Variants in SH3KBP1 observed in about 807,000 individuals in gnomAD.
The protein encoded by SH3KBP1 is SH3 domain containing kinase binding protein 1.
Under a neutral mutation model 50.1 loss-of-function variants are expected in SH3KBP1, and 8 were observed. That is an observed-to-expected ratio of 0.16 (90% confidence interval 0.09 to 0.29). The LOEUF is 0.29. SH3KBP1 is among the 10% of genes least tolerant of loss of function. SH3KBP1 has a pLI of 1.00. For missense variants in SH3KBP1, 377 were observed against 535.2 expected (o/e 0.70, Z 2.92); for synonymous variants, 227 against 218.6 (o/e 1.04, Z -0.34).
chrX:19,836,689 G>A (rs2068066730), intron 1 of SH3KBP1, among the ~76,000 whole-genome samples: 1 of 111,953 alleles, frequency 8.9e-6, no homozygotes, highest in Non-Finnish European at 1.9e-5. Flanking sequence ...TAACCTCTCT[G>A]GGTCTCAGTT....
At chrX:19,848,710 C>T (rs1381456446) in intron 1 of SH3KBP1, among the ~76,000 whole-genome samples, 1 of 111,838 alleles carries the variant, frequency 8.9e-6, no homozygotes, top group Non-Finnish European at 1.9e-5. Context: ...GGACAATCAA[C>T]GTTTTGCAAC....
intron 1 of SH3KBP1, among the ~76,000 whole-genome samples, chrX:19,881,680 G>A (rs187257227): frequency 2.4e-4 from 27 of 111,549 alleles, no homozygotes; most frequent in African/African-American, 8.5e-4. Flanking sequence ...TGTGGGCATC[G>A]TCAATAGGCG....
chrX:19,670,628 C>G (rs2062764002), intron 6 of SH3KBP1, among the ~76,000 whole-genome samples: 2 of 110,225 alleles, frequency 1.8e-5, no homozygotes, highest in Non-Finnish European at 3.8e-5. Flanking sequence ...ATTAAAACGG[C>G]TAAATAGCTC....
chrX:19,825,173 A>G, intron 2 of SH3KBP1, among the ~76,000 whole-genome samples: 1 of 112,050 alleles, frequency 8.9e-6, no homozygotes. Flanking sequence ...ATTAATAATA[A>G]CGAAATATTT....
chrX:19,579,972 T>C (rs1012776687), intron 12 of SH3KBP1, among the ~76,000 whole-genome samples: 5 of 111,991 alleles, frequency 4.5e-5, no homozygotes, highest in African/African-American at 1.6e-4. Flanking sequence ...GGCAATGAGC[T>C]AGGCCCCTGA....
intron 2 of SH3KBP1, among the ~76,000 whole-genome samples, chrX:19,749,292 T>A (rs1427617665): frequency 8.9e-6 from 1 of 112,483 alleles, no homozygotes; most frequent in Non-Finnish European, 1.9e-5. Flanking sequence ...TCTAGGTATA[T>A]ACTCAAAAGC....
At chrX:19,725,370 C>T (rs2064189388) in intron 3 of SH3KBP1, among the ~76,000 whole-genome samples, 1 of 109,448 alleles carries the variant, frequency 9.1e-6, no homozygotes, top group Non-Finnish European at 1.9e-5. Context: ...CTCGGGTAGG[C>T]TGAGGTAGAA....
intron 3 of SH3KBP1, among the ~76,000 whole-genome samples, chrX:19,744,494 G>T: frequency 9.0e-6 from 1 of 111,704 alleles, no homozygotes; most frequent in Non-Finnish European, 1.9e-5. Context: ...GTTACGCCCA[G>T]GTGACCCAGG....
At chrX:19,745,587 C>T (rs1603180894) in intron 3 of SH3KBP1, among the ~76,000 whole-genome samples, 1 of 111,912 alleles carries the variant, frequency 8.9e-6, no homozygotes, top group East Asian at 2.8e-4. Flanking sequence ...GGCAGCCAAG[C>T]GCTAACCTAC....
intron 2 of SH3KBP1, among the ~76,000 whole-genome samples, chrX:19,817,877 C>A (rs1018849857): frequency 2.7e-5 from 3 of 111,982 alleles, no homozygotes; most frequent in Non-Finnish European, 3.8e-5. Flanking sequence ...TCAAGTGATC[C>A]ACCCACCTTG....
chrX:19,817,523 T>G (rs2067392311), intron 2 of SH3KBP1, among the ~76,000 whole-genome samples: 1 of 112,605 alleles, frequency 8.9e-6, no homozygotes, highest in African/African-American at 3.2e-5. Context: ...TATAGTCATA[T>G]GCTACATAAC....
chrX:19,574,081 T>C (rs1388936482), intron 12 of SH3KBP1, among the ~76,000 whole-genome samples: 1 of 111,423 alleles, frequency 9.0e-6, no homozygotes, highest in Non-Finnish European at 1.9e-5. Flanking sequence ...ATCATCTCCT[T>C]TGACTCCAAA....
chrX:19,554,263 ATATT>A (rs1243370147), intron 13 of SH3KBP1, among the ~76,000 whole-genome samples: 6 of 84,827 alleles, frequency 7.1e-5, no homozygotes, highest in Non-Finnish European at 1.3e-4. Flanking sequence ...TATATTATAT[ATATT>A]AAAATATATA....
intron 7 of SH3KBP1, among the ~76,000 whole-genome samples, chrX:19,639,907 CTT>C (rs377700054): frequency 1.7e-4 from 14 of 83,143 alleles, no homozygotes; most frequent in African/African-American, 5.4e-4. Flanking sequence ...AGAGTTGACT[CTT>C]TTTTTTTTTT....
At chrX:19,760,782 G>T (rs1353853116) in intron 2 of SH3KBP1, among the ~76,000 whole-genome samples, 1 of 110,883 alleles carries the variant, frequency 9.0e-6, no homozygotes. Context: ...TGGGTCCCAG[G>T]ATTCTCTGGC....
intron 2 of SH3KBP1, among the ~76,000 whole-genome samples, chrX:19,816,071 T>C (rs1450774964): frequency 8.9e-6 from 1 of 112,377 alleles, no homozygotes; most frequent in Non-Finnish European, 1.9e-5. Flanking sequence ...TATAACAAAC[T>C]GCCAAACTAT....
chrX:19,632,767 T>C (rs964613428), intron 7 of SH3KBP1, among the ~76,000 whole-genome samples: 3 of 112,881 alleles, frequency 2.7e-5, no homozygotes, highest in African/African-American at 6.4e-5. Flanking sequence ...GTTACGAAGA[T>C]AGTGAAAACA....
intron 2 of SH3KBP1, among the ~76,000 whole-genome samples, chrX:19,763,291 T>C (rs2065488539): frequency 8.9e-6 from 1 of 112,649 alleles, no homozygotes; most frequent in East Asian, 2.8e-4. Flanking sequence ...ACCAATAGCA[T>C]GGAAGAGAGC....
intron 2 of SH3KBP1, among the ~76,000 whole-genome samples, chrX:19,792,940 G>A (rs1351669383): frequency 9.1e-6 from 1 of 110,029 alleles, no homozygotes; most frequent in Admixed American, 9.7e-5. Flanking sequence ...AAGAAACTCT[G>A]GGTAAATGAG....
Sources: allele counts gnomAD v4.1 joint callset (sites outside exome capture counted in the v4.1 genomes callset), GRCh38; gene constraint gnomAD v4.1.1; transcripts MANE v1.5; gene names NCBI Gene and HGNC (gene_info 2026-07-23, HGNC 2026-07-21).